GON4L: variants seen among roughly 807,000 people sequenced by gnomAD.
GON4L encodes the protein gon-4 like, also known as GON-4-like protein.
Under a neutral mutation model 211.8 loss-of-function variants are expected in GON4L, and 87 were observed. The observed-to-expected ratio is 0.41, with a 90% CI of 0.35 to 0.49. GON4L has a LOEUF of 0.49. Among genes scored for constraint, GON4L ranks in the 20% least tolerant of loss-of-function variants. The pLI is 0.15. For missense variants in GON4L, 2,155 were observed against 2,659.5 expected (o/e 0.81, Z 4.17); for synonymous variants, 875 against 962.6 (o/e 0.91, Z 1.68).
chr1:155,832,760 T>C (rs1329013127), intron 2 of GON4L: 1 of 152,218 alleles, frequency 6.6e-6, no homozygotes. Flanking sequence ...ACAGTGTATA[T>C]GATGCTGCTG....
rs1179423121 is a variant in GON4L at position 155,753,283 on chromosome 1, G to A, written c.5763C>T (p.Ala1921=). Residue 1921 remains alanine, a synonymous_variant, in exon 29 of 32, where the codon GCC becomes GCT. Coordinates refer to ENST00000368331, the MANE Select transcript of GON4L (RefSeq NM_001282860.2). ...CCTCAGTGCTCTCCCGCTCCTCTGGGGCTTCCTCTTCCATCATATCCTTGC... is the reference window on the plus strand; with the variant it reads ...CCTCAGTGCTCTCCCGCTCCTCTGGAGCTTCCTCTTCCATCATATCCTTGC... The part of the protein sequence containing the change: ...GQGKDMMEEE[A]PEERESTEAT... 6.2e-7 allele frequency: 1 copy of A among 1,613,602 alleles called. No homozygotes were observed.
rs1269253245 is a variant in GON4L, at chr1:155,753,373, C to G, written c.5673G>C (p.Glu1891Asp). The change falls in exon 29 of 32, where the codon GAG (glutamate) becomes GAC (aspartate). Residue 1891 changes from glutamate (E) to aspartate (D), a missense_variant. This residue lies in a region of GON4L where 455 missense variants were observed against 504.6 expected (regional missense o/e 0.90). Transcript: ENST00000368331. ...SKSYKSKEPH[E>D]LVGSSPHREA... ...CTCGGTGGGGGCTGCTGCCCACCAA[C>G]TCATGGGGCTCCTTGCTCTTGTAGG... The G allele has an allele frequency of 1.9e-6, 3 of 1,612,334 alleles. No individual in the cohort carries two copies. Among genetic ancestry groups the G allele is most frequent in the South Asian group, 1.1e-5 (1 of 90,946 alleles).
intron 15 of GON4L, among the ~76,000 whole-genome samples, chr1:155,776,860 G>C (rs1326154650): frequency 6.6e-6 from 1 of 152,098 alleles, no homozygotes; most frequent in Non-Finnish European, 1.5e-5. Context: ...AGCCCCCAGA[G>C]AGACAATAAC....
At chr1:155,826,765 C>T in intron 3 of GON4L, 72 bp downstream of exon 3, 1 of 973,592 alleles carries the variant, frequency 1.0e-6, no homozygotes, top group South Asian at 1.3e-5. Flanking sequence ...TATCTTAGGA[C>T]ATGTGCAGTT....
intron 2 of GON4L, among the ~76,000 whole-genome samples, chr1:155,841,465 C>A (rs1409361797): frequency 6.6e-6 from 1 of 152,172 alleles, no homozygotes; most frequent in Non-Finnish European, 1.5e-5. Context: ...TAGCTCAATG[C>A]ACAGAATTTA....
In GON4L at chr1:155,765,457, G is replaced by C; in HGVS notation, c.4016C>G (p.Ser1339Cys). ...GTCATCACAAATATCACGCTCAGGG[G>C]ATCCACTGATTTCCTCTCTAGCTTC... ...PEEAREEISG[S>C]PERDICDDIK... The change falls in exon 21 of 32, where the codon TCC becomes TGC. Residue 1339 changes from serine to cysteine, a missense_variant. Ser to Cys is a moderately radical substitution (Grantham distance 112). Transcript: ENST00000368331. 1 of 1,614,090 alleles carries C rather than the reference G, an allele frequency of 6.2e-7. No individual in the cohort carries two copies.
At chr1:155,801,348 C>T (rs1267153505) in intron 11 of GON4L, among the ~76,000 whole-genome samples, 1 of 151,926 alleles carries the variant, frequency 6.6e-6, no homozygotes, top group African/African-American at 2.4e-5. Flanking sequence ...GCTTAGACTC[C>T]TATCAGAATG....
chr1:155,794,590 C>T (rs1665904063), intron 12 of GON4L, among the ~76,000 whole-genome samples: 1 of 152,188 alleles, frequency 6.6e-6, no homozygotes. Context: ...ATTCCTCCTT[C>T]AAAACTAAGA....
chr1:155,832,105 T>A (rs1235228336), intron 2 of GON4L, among the ~76,000 whole-genome samples: 1 of 149,316 alleles, frequency 6.7e-6, no homozygotes, highest in Non-Finnish European at 1.5e-5. Flanking sequence ...CGAAACCCTA[T>A]CTCTACTAAA....
At position 155,811,391 on chromosome 1, in the gene GON4L, C is replaced by CAAAAA. The variant is rs777417019; in HGVS notation, c.1452+2238_1452+2242dup. On this transcript the variant is annotated intron_variant, in intron 10 of 31. Transcript: ENST00000368331. The stretch of plus-strand genomic sequence containing the variant: ...TAGAGGACAGAGCAAGACTCCGTCT[C>CAAAAA]AAAAAAAAAAAAAAAAAAAAAAAAA... Among the ~76,000 whole-genome samples the CAAAAA allele has an allele frequency of 7.8e-4, 26 of 33,142 alleles. 1 individual carries two copies. The highest frequency in any genetic ancestry group is 2.7e-3 in the African/African-American group (15 of 5,602). The allele number at this position is 33,142 out of a possible 152,430, so 21.7% of individuals were successfully genotyped here.
chr1:155,751,928 T>C (rs1287266278), intron 30 of GON4L, 32 bp downstream of exon 30: 1 of 1,612,822 alleles, frequency 6.2e-7, no homozygotes, highest in South Asian at 1.1e-5. Flanking sequence ...TCTATGCTCT[T>C]TTCCAAACAC....
rs777342018 is a variant in GON4L, at chr1:155,805,049, A to G, written c.1545T>C (p.Ala515=). The stretch of plus-strand genomic sequence containing the variant: ...CATACATATCTGGAGTGATGTCTGG[A>G]GCTTGGAGCTCTGCCTCTAATTGGC... ...PLGQLEAELQ[A]PDITPDMYDP... Residue 515 remains alanine (A), a synonymous_variant, in exon 11 of 32, where the codon GCT becomes GCC. Transcript: ENST00000368331. 4 of 1,613,254 alleles carry G rather than the reference A, an allele frequency of 2.5e-6. No individual in the cohort carries two copies. In the Admixed American group the frequency reaches 6.7e-5, roughly 27 times the overall value.
chr1:155,762,181 T>A lies in GON4L; in HGVS notation c.4911+9A>T, dbSNP rs775588856. ...AGACTGGCAATAACAGGAAGCAGCA[T>A]TTGCCTACCCTGGTCAGATAAGCTT... is the stretch of plus-strand genomic sequence containing the variant. On this transcript the variant is annotated intron_variant, in intron 23 of 31. Coordinates refer to ENST00000368331, the MANE Select transcript of GON4L (RefSeq NM_001282860.2). 28 of 1,598,312 alleles carry A rather than the reference T, an allele frequency of 1.8e-5. No individual in the cohort carries two copies. The highest frequency in any genetic ancestry group is 2.4e-5 in the Non-Finnish European group (28 of 1,171,428).
intron 24 of GON4L, among the ~76,000 whole-genome samples, chr1:155,758,657 T>C (rs1303319012): frequency 6.6e-6 from 1 of 152,064 alleles, no homozygotes; most frequent in Non-Finnish European, 1.5e-5. Context: ...GGTAGGCAAA[T>C]CACCTGAGGT....
At chr1:155,804,031 C>G (rs1426971427) in intron 11 of GON4L, among the ~76,000 whole-genome samples, 1 of 152,080 alleles carries the variant, frequency 6.6e-6, no homozygotes, top group African/African-American at 2.4e-5. Flanking sequence ...TCATGAAGAC[C>G]CTTAACTAAC....
At chr1:155,755,220 G>A (rs1027210056) in intron 27 of GON4L, among the ~76,000 whole-genome samples, 2 of 151,868 alleles carry the variant, frequency 1.3e-5, no homozygotes, top group Non-Finnish European at 2.9e-5. Flanking sequence ...ACAGGCGCAT[G>A]CCACTAAGCC....
chr1:155,822,198 T>C, intron 4 of GON4L, 88 bp downstream of exon 4: 1 of 1,075,710 alleles, frequency 9.3e-7, no homozygotes, highest in South Asian at 1.2e-5. Flanking sequence ...AATTCACGTA[T>C]CAAGAGTCAA....
intron 22 of GON4L, among the ~76,000 whole-genome samples, chr1:155,762,741 T>A (rs1388265029): frequency 2.0e-5 from 3 of 152,272 alleles, no homozygotes; most frequent in African/African-American, 7.2e-5. Flanking sequence ...TAACAATCAG[T>A]TTAACAAAGT....
chr1:155,774,968 G>A, intron 17 of GON4L, 34 bp downstream of exon 17: 2 of 1,604,570 alleles, frequency 1.2e-6, no homozygotes, highest in Non-Finnish European at 1.7e-6. Flanking sequence ...CTCACCGCAA[G>A]TAAAAACTTA....
Sources: gnomAD v4.1 joint callset for allele counts (sites outside exome capture counted in the v4.1 genomes callset) on GRCh38, gnomAD v4.1.1 for gene constraint, gnomAD v4.1.1 regional missense constraint, MANE v1.5 for transcripts, NCBI Gene and HGNC (gene_info 2026-07-23, HGNC 2026-07-21) for gene names.